The following TPO variants were observed in gnomAD, a reference collection of about 807,000 sequenced individuals.
The protein encoded by TPO is thyroid peroxidase, also known as thyroid microsomal antigen.
A neutral mutation model predicts 96.9 loss-of-function variants in TPO; 78 were observed. The observed-to-expected ratio is 0.81, with a 90% CI of 0.67 to 0.97. TPO has a LOEUF of 0.97. Among genes scored for constraint, TPO ranks in the 50% least tolerant of loss-of-function variants. TPO has a pLI of 0.00. For missense variants in TPO, 1,252 were observed against 1,274.8 expected (o/e 0.98, Z 0.27); for synonymous variants, 547 against 538.0 (o/e 1.02, Z -0.23).
chr2:1,512,639 G>A (rs1381779732), intron 14 of TPO, among the ~76,000 whole-genome samples: 4 of 152,208 alleles, frequency 2.6e-5, no homozygotes, highest in Non-Finnish European at 4.4e-5. Flanking sequence ...GGCTGCCTCC[G>A]AGGAGCTTCC....
intron 1 of TPO, among the ~76,000 whole-genome samples, chr2:1,393,132 T>C (rs543447983): frequency 6.6e-6 from 1 of 152,300 alleles, no homozygotes; most frequent in South Asian, 2.1e-4. Flanking sequence ...CAGCTTCTGC[T>C]TCTGGGGAGG....
chr2:1,479,818 G>A (rs1320217760), intron 8 of TPO, among the ~76,000 whole-genome samples: 1 of 150,692 alleles, frequency 6.6e-6, no homozygotes, highest in African/African-American at 2.5e-5. Flanking sequence ...GTCTCACTCT[G>A]TCACCCAGGC....
chr2:1,533,192 G>A (rs537402835), intron 15 of TPO, among the ~76,000 whole-genome samples: 109 of 33,296 alleles, frequency 3.3e-3, no homozygotes, highest in African/African-American at 0.023. Context: ...CCCACTGTGT[G>A]CAATCTCCCC....
At chr2:1,520,928 T>A (rs1456558748) in intron 15 of TPO, among the ~76,000 whole-genome samples, 1 of 152,238 alleles carries the variant, frequency 6.6e-6, no homozygotes, top group Admixed American at 6.5e-5. Context: ...TGATTCTTAC[T>A]GTCCAGGGAA....
At chr2:1,438,775 G>A in intron 5 of TPO, 2 of 681,454 alleles carry the variant, frequency 2.9e-6, no homozygotes, top group South Asian at 3.1e-5. Context: ...AAACTTAACT[G>A]GAGATTTTTT....
rs1680854969 is a variant in TPO, at chr2:1,542,295, C to T, written c.2749-126C>T. On this transcript the variant is annotated intron_variant, in intron 16 of 16. Coordinates refer to ENST00000329066, the MANE Select transcript of TPO (RefSeq NM_001206744.2). ...AGCATGACAAGCAAGAAGGATGGCTCATCTCGCCAGCGGTCCTTTGTGAAA... is the reference window on the plus strand; with the variant it reads ...AGCATGACAAGCAAGAAGGATGGCTTATCTCGCCAGCGGTCCTTTGTGAAA... 3 of 1,282,452 alleles carry T rather than the reference C, an allele frequency of 2.3e-6. No individual in the cohort carries two copies. The African/African-American group carries it at 4.4e-5, about 19-fold the overall frequency. 79.4% of individuals were successfully genotyped at this position (1,282,452 alleles called of 1,614,324 possible).
rs1167303227 is a variant in TPO, at chr2:1,477,337, G to T, written c.1071G>T (p.Arg357=). ...EGLLRVHARL[R]DSGRAYLPFV... is the part of the protein sequence containing the mutation. Reference sequence around the variant, plus strand: ...TGCTCCGCGTCCACGCGCGCCTCCGGGACTCCGGCCGCGCCTACCTGCCCT... The same window carrying T: ...TGCTCCGCGTCCACGCGCGCCTCCGTGACTCCGGCCGCGCCTACCTGCCCT... Residue 357 remains arginine (R), a synonymous_variant, in exon 8 of 17, where the codon CGG becomes CGT. Coordinates refer to ENST00000329066, the MANE Select transcript of TPO (RefSeq NM_001206744.2). 1 of 1,558,928 alleles carries T rather than the reference G, an allele frequency of 6.4e-7. No individual in the cohort carries two copies. The highest frequency in any genetic ancestry group is 8.7e-7 in the Non-Finnish European group (1 of 1,152,464).
chr2:1,485,175 A>C (rs1408255164), intron 9 of TPO, among the ~76,000 whole-genome samples: 2 of 151,110 alleles, frequency 1.3e-5, no homozygotes, highest in Non-Finnish European at 2.9e-5. Context: ...TGTCCTTGCG[A>C]TAGTTTGCTC....
intron 7 of TPO, among the ~76,000 whole-genome samples, chr2:1,472,848 A>G (rs1669561137): frequency 1.3e-5 from 2 of 150,974 alleles, no homozygotes; most frequent in African/African-American, 2.4e-5. Flanking sequence ...AAAAAAAAAA[A>G]AAAGGAGAGA....
intron 15 of TPO, among the ~76,000 whole-genome samples, chr2:1,533,058 C>T (rs1260130849): frequency 2.9e-5 from 4 of 135,996 alleles, no homozygotes; most frequent in South Asian, 2.4e-4. Context: ...TGTGTGCAAC[C>T]TCCTCAAATC....
chr2:1,539,232 CCTT>C (rs1402719418), intron 15 of TPO, among the ~76,000 whole-genome samples: 4 of 152,182 alleles, frequency 2.6e-5, no homozygotes, highest in Non-Finnish European at 2.9e-5. Flanking sequence ...GAACACCTGA[CCTT>C]CACTGAATTT....
intron 1 of TPO, 143 bp downstream of exon 1, chr2:1,413,688 G>A: frequency 2.0e-6 from 2 of 985,574 alleles, no homozygotes; most frequent in Non-Finnish European, 2.4e-6. Context: ...CTGACTGACT[G>A]ATGAGTGCTG....
At chr2:1,526,065 G>A (rs1352073171) in intron 15 of TPO, among the ~76,000 whole-genome samples, 6 of 64,098 alleles carry the variant, frequency 9.4e-5, no homozygotes, top group Non-Finnish European at 1.7e-4. Flanking sequence ...CCCCCACTGT[G>A]CGCAACCTCC....
At chr2:1,432,568 C>T (rs1665102532) in intron 3 of TPO, among the ~76,000 whole-genome samples, 1 of 122,302 alleles carries the variant, frequency 8.2e-6, no homozygotes, top group Non-Finnish European at 1.7e-5. Context: ...TGGGGTGAGG[C>T]CTGCAGGTGA....
At chr2:1,443,046 G>C (rs946134562) in intron 5 of TPO, among the ~76,000 whole-genome samples, 1 of 152,110 alleles carries the variant, frequency 6.6e-6, no homozygotes, top group Non-Finnish European at 1.5e-5. Flanking sequence ...GACCAGCCTG[G>C]GCAACAAAGC....
At chr2:1,456,738 TAGTG>T (rs1667838574) in intron 7 of TPO, among the ~76,000 whole-genome samples, 1 of 18,898 alleles carries the variant, frequency 5.3e-5, no homozygotes, top group Non-Finnish European at 1.3e-4. Flanking sequence ...GCATGTATGA[TAGTG>T]TGTGGGCAGA....
intron 10 of TPO, among the ~76,000 whole-genome samples, chr2:1,493,014 C>T (rs1162079980): frequency 2.6e-5 from 4 of 151,966 alleles, no homozygotes; most frequent in East Asian, 1.9e-4. Context: ...CAGGCAAAGG[C>T]GCAGCCACAG....
chr2:1,403,127 C>CT (rs1275578863), intron 1 of TPO, among the ~76,000 whole-genome samples: 3 of 152,152 alleles, frequency 2.0e-5, no homozygotes, highest in South Asian at 2.1e-4. Flanking sequence ...GACCTAAGCC[C>CT]TTTTTTTAAG....
chr2:1,527,396 C>G, intron 15 of TPO, among the ~76,000 whole-genome samples: 1 of 146,116 alleles, frequency 6.8e-6, no homozygotes, highest in Non-Finnish European at 1.5e-5. Context: ...CCCAAATCCC[C>G]CCCACTGTGT....
Sources: allele counts gnomAD v4.1 joint callset (sites outside exome capture counted in the v4.1 genomes callset), GRCh38; gene constraint gnomAD v4.1.1; transcripts MANE v1.5; gene names NCBI Gene and HGNC (gene_info 2026-07-23, HGNC 2026-07-21).